CNTN5: variants seen among roughly 807,000 people sequenced by gnomAD.
CNTN5 encodes the protein contactin 5, also known as contactin-5.
Under a neutral mutation model 129.1 loss-of-function variants are expected in CNTN5, and 77 were observed. That is an observed-to-expected ratio of 0.60 (90% CI 0.50 to 0.72). The LOEUF (loss-of-function observed/expected upper bound fraction) is 0.72. Ranked by LOEUF, CNTN5 falls within the 30% of genes least tolerant of loss-of-function variation. The pLI, the probability that CNTN5 is intolerant of heterozygous loss-of-function variation, is 0.00. For synonymous variants in CNTN5, 509 were observed against 465.6 expected, an observed-to-expected ratio of 1.09 and a Z score of -1.20; for missense variants, 1,478 against 1,328.8, an observed-to-expected ratio of 1.11 and a Z score of -1.75.
At chr11:99,504,422 C>T (rs1164130648) in intron 2 of CNTN5, among the ~76,000 whole-genome samples, 2 of 151,276 alleles carry the variant, frequency 1.3e-5, no homozygotes, top group Non-Finnish European at 2.9e-5. Flanking sequence ...AGGCCTTTAG[C>T]CCCAGCTACT....
chr11:99,207,642 G>A (rs1385584586), intron 1 of CNTN5, among the ~76,000 whole-genome samples: 2 of 151,990 alleles, frequency 1.3e-5, no homozygotes, highest in Non-Finnish European at 1.5e-5. Context: ...CTTTGATAAC[G>A]AATACTCTGA....
At position 100,350,096 on chromosome 11, in the gene CNTN5, C is replaced by G. The variant is rs76277827; in HGVS notation, c.3031-606C>G. On this transcript the variant is annotated intron_variant, in intron 23 of 24. Coordinates refer to ENST00000524871, the MANE Select transcript of CNTN5 (RefSeq NM_014361.4). The stretch of plus-strand genomic sequence containing the variant: ...GCCGATTTTACCAAAAAGCAAACCA[C>G]TACAAAAGCAAAAATTAAAAAAATA... Among the ~76,000 whole-genome samples the G allele has an allele frequency of 1.8e-4, 28 of 151,938 alleles. No individual in the cohort carries two copies. In the East Asian group the frequency reaches 5.4e-3, roughly 29 times the overall value.
At chr11:99,168,425 A>G (rs1344085960) in intron 1 of CNTN5, among the ~76,000 whole-genome samples, 1 of 152,054 alleles carries the variant, frequency 6.6e-6, no homozygotes, top group East Asian at 1.9e-4. Context: ...TAAAAATACA[A>G]AAATATTAGC....
At chr11:99,351,575 C>G (rs539603246) in intron 2 of CNTN5, among the ~76,000 whole-genome samples, 198 of 152,158 alleles carry the variant, frequency 1.3e-3, no homozygotes, top group African/African-American at 4.6e-3. Context: ...TTAGTATTTT[C>G]AGAAATAAAT....
chr11:100,250,556 A>AT (rs1275719937), intron 16 of CNTN5, among the ~76,000 whole-genome samples: 1 of 152,088 alleles, frequency 6.6e-6, no homozygotes, highest in Admixed American at 6.6e-5. Flanking sequence ...ACATTACGTG[A>AT]TTATTGGGCA....
intron 2 of CNTN5, among the ~76,000 whole-genome samples, chr11:99,535,732 C>G (rs1448256966): frequency 2.6e-5 from 4 of 152,070 alleles, no homozygotes. Context: ...AAAAATACAG[C>G]AAAATCTTTG....
chr11:100,167,885 G>T (rs372471185), intron 13 of CNTN5, among the ~76,000 whole-genome samples: 1 of 151,908 alleles, frequency 6.6e-6, no homozygotes, highest in Non-Finnish European at 1.5e-5. Context: ...TGAATGCAAC[G>T]GAAAAGTCCT....
At chr11:100,115,005 G>A (rs2138135095) in intron 13 of CNTN5, among the ~76,000 whole-genome samples, 1 of 150,088 alleles carries the variant, frequency 6.7e-6, no homozygotes, top group African/African-American at 2.5e-5. Context: ...GGATTGCGCT[G>A]ACACCATTAG....
At chr11:100,131,666 G>A (rs541385437) in intron 13 of CNTN5, among the ~76,000 whole-genome samples, 1 of 152,130 alleles carries the variant, frequency 6.6e-6, no homozygotes, top group South Asian at 2.1e-4. Context: ...GACCAGAGAG[G>A]TAGGCGGGGA....
At chr11:99,371,383 A>G (rs1412827308) in intron 2 of CNTN5, among the ~76,000 whole-genome samples, 3 of 152,084 alleles carry the variant, frequency 2.0e-5, no homozygotes, top group Non-Finnish European at 4.4e-5. Context: ...ACTTGTGTGT[A>G]TAAAACATAG....
intron 2 of CNTN5, among the ~76,000 whole-genome samples, chr11:99,431,094 G>A (rs956810525): frequency 6.6e-6 from 1 of 150,608 alleles, no homozygotes; most frequent in Non-Finnish European, 1.5e-5. Flanking sequence ...ACTCTCATTC[G>A]GATTTGACCA....
intron 12 of CNTN5, 52 bp downstream of exon 12, chr11:100,071,886 A>G: frequency 6.8e-7 from 1 of 1,478,844 alleles, no homozygotes; most frequent in Non-Finnish European, 9.0e-7. Context: ...GCTTCTTTTC[A>G]TGCTCTAATT....
At chr11:99,859,909 G>T (rs2135760501) in intron 6 of CNTN5, among the ~76,000 whole-genome samples, 1 of 152,242 alleles carries the variant, frequency 6.6e-6, no homozygotes, top group East Asian at 1.9e-4. Context: ...AGTTCTTTGA[G>T]AAATCTCTAA....
At chr11:100,271,807 A>C (rs1484886420) in intron 18 of CNTN5, among the ~76,000 whole-genome samples, 1 of 152,236 alleles carries the variant, frequency 6.6e-6, no homozygotes, top group Non-Finnish European at 1.5e-5. Flanking sequence ...TAGAAAAAGC[A>C]TATCTGATAA....
chr11:99,939,318 AT>A (rs1950382841), intron 7 of CNTN5, among the ~76,000 whole-genome samples: 2 of 152,024 alleles, frequency 1.3e-5, no homozygotes, highest in African/African-American at 2.4e-5. Flanking sequence ...TATTAGCTTC[AT>A]TTTTTAGCGC....
At chr11:99,034,537 A>AT (rs1347182731) in intron 1 of CNTN5, among the ~76,000 whole-genome samples, 1 of 150,986 alleles carries the variant, frequency 6.6e-6, no homozygotes, top group African/African-American at 2.4e-5. Flanking sequence ...TTTCTTCTAG[A>AT]TTTTCTAGTT....
At chr11:99,063,232 C>T (rs558745024) in intron 1 of CNTN5, among the ~76,000 whole-genome samples, 80 of 152,028 alleles carry the variant, frequency 5.3e-4, no homozygotes, top group African/African-American at 1.9e-3. Context: ...GGGAAGATGA[C>T]GATAAATACA....
At chr11:99,331,514 A>G (rs1865998065) in intron 2 of CNTN5, among the ~76,000 whole-genome samples, 1 of 152,144 alleles carries the variant, frequency 6.6e-6, no homozygotes, top group Non-Finnish European at 1.5e-5. Flanking sequence ...AGAGGTGACT[A>G]TAGTGGAAAA....
intron 16 of CNTN5, among the ~76,000 whole-genome samples, chr11:100,240,876 GAAAAT>G (rs2138680476): frequency 6.6e-6 from 1 of 152,318 alleles, no homozygotes; most frequent in South Asian, 2.1e-4. Context: ...ATAGGTTTGT[GAAAAT>G]AAGTTACAAG....
Sources: gnomAD v4.1 joint callset for allele counts (sites outside exome capture counted in the v4.1 genomes callset) on GRCh38, gnomAD v4.1.1 for gene constraint, MANE v1.5 for transcripts, NCBI Gene and HGNC (gene_info 2026-07-23, HGNC 2026-07-21) for gene names.